FMN2: variants seen among roughly 807,000 people sequenced by gnomAD.
FMN2 encodes formin-2.
FMN2 carries 51 observed loss-of-function variants against 142.3 expected under a neutral mutation model. The ratio of observed to expected loss-of-function variants is 0.36; its 90% CI spans 0.29 to 0.45. FMN2 has a LOEUF of 0.45. Ranked by LOEUF, FMN2 falls within the 20% of genes least tolerant of loss-of-function variation. The pLI is 1.00. For missense variants in FMN2, 1,936 were observed against 2,122.8 expected (o/e 0.91, Z 1.73); for synonymous variants, 882 against 869.8 (o/e 1.01, Z -0.25).
At chr1:240,156,048 A>G (rs1372515325) in intron 2 of FMN2, among the ~76,000 whole-genome samples, 1 of 152,002 alleles carries the variant, frequency 6.6e-6, no homozygotes, top group African/African-American at 2.4e-5. Flanking sequence ...AAACCACCTG[A>G]GGCAACATAG....
intron 14 of FMN2, among the ~76,000 whole-genome samples, chr1:240,378,773 A>G (rs1228976257): frequency 6.6e-6 from 1 of 151,630 alleles, no homozygotes; most frequent in Non-Finnish European, 1.5e-5. Context: ...TTTATTTCGG[A>G]TACTGTATTT....
At chr1:240,133,660 T>C (rs1307162012) in intron 2 of FMN2, among the ~76,000 whole-genome samples, 1 of 152,198 alleles carries the variant, frequency 6.6e-6, no homozygotes, top group Non-Finnish European at 1.5e-5. Flanking sequence ...TGTGGGGCTC[T>C]GTGGGCACCT....
intron 2 of FMN2, among the ~76,000 whole-genome samples, chr1:240,150,243 G>A: frequency 6.6e-6 from 1 of 152,174 alleles, no homozygotes; most frequent in South Asian, 2.1e-4. Flanking sequence ...GATCATGGAT[G>A]CTTATAGATA....
At chr1:240,460,787 G>A (rs1676424386) in intron 16 of FMN2, among the ~76,000 whole-genome samples, 2 of 151,954 alleles carry the variant, frequency 1.3e-5, no homozygotes, top group African/African-American at 4.8e-5. Context: ...GTTTTTGTTT[G>A]TTTAATTTTC....
intron 2 of FMN2, among the ~76,000 whole-genome samples, chr1:240,155,588 T>C (rs1251923146): frequency 6.6e-6 from 1 of 152,200 alleles, no homozygotes; most frequent in Non-Finnish European, 1.5e-5. Context: ...ATCAAAATGT[T>C]TTTAAACTAG....
intron 8 of FMN2, among the ~76,000 whole-genome samples, chr1:240,299,789 T>C (rs1323900544): frequency 1.3e-5 from 2 of 152,074 alleles, no homozygotes; most frequent in African/African-American, 4.8e-5. Context: ...TACTAGATAA[T>C]GCATACTGCG....
At chr1:240,314,876 G>T (rs1371744639) in intron 8 of FMN2, among the ~76,000 whole-genome samples, 1 of 152,162 alleles carries the variant, frequency 6.6e-6, no homozygotes, top group Non-Finnish European at 1.5e-5. Flanking sequence ...TGCCTCGTTT[G>T]TCTCTTTGAG....
intron 2 of FMN2, among the ~76,000 whole-genome samples, chr1:240,124,668 GAT>G (rs1448206280): frequency 6.6e-6 from 1 of 151,782 alleles, no homozygotes; most frequent in African/African-American, 2.4e-5. Flanking sequence ...TGAGGATAAT[GAT>G]TTTTCTTTTT....
At chr1:240,362,327 C>T (rs1672514637) in intron 14 of FMN2, among the ~76,000 whole-genome samples, 1 of 152,096 alleles carries the variant, frequency 6.6e-6, no homozygotes, top group Admixed American at 6.6e-5. Flanking sequence ...TGTTTTTGTG[C>T]ATGTGAGATG....
chr1:240,387,495 C>T (rs1673446335), intron 14 of FMN2, among the ~76,000 whole-genome samples: 1 of 152,172 alleles, frequency 6.6e-6, no homozygotes, highest in Non-Finnish European at 1.5e-5. Flanking sequence ...GACTAAGGAG[C>T]TATTAGCCTC....
chr1:240,138,824 C>T (rs746326775), intron 2 of FMN2, among the ~76,000 whole-genome samples: 1 of 152,196 alleles, frequency 6.6e-6, no homozygotes, highest in Non-Finnish European at 1.5e-5. Context: ...TTTAACAAAT[C>T]ATACATCTTA....
chr1:240,246,240 C>T (rs916439295), intron 6 of FMN2, among the ~76,000 whole-genome samples: 1 of 152,150 alleles, frequency 6.6e-6, no homozygotes, highest in Non-Finnish European at 1.5e-5. Context: ...TTGAAGGCTG[C>T]GCTTTTATCG....
At chr1:240,436,546 A>G (rs73130209) in intron 15 of FMN2, among the ~76,000 whole-genome samples, 16,072 of 151,936 alleles carry the variant, frequency 0.11, 2,019 homozygotes, top group African/African-American at 0.31. Context: ...GCATGGTGGC[A>G]GGCACCTGTA....
intron 4 of FMN2, among the ~76,000 whole-genome samples, chr1:240,198,480 C>G (rs1212904171): frequency 2.0e-5 from 3 of 152,162 alleles, no homozygotes; most frequent in South Asian, 4.1e-4. Flanking sequence ...CATGTCCATT[C>G]CAGTTCAGAA....
At chr1:240,454,461 G>C (rs987858464) in intron 16 of FMN2, among the ~76,000 whole-genome samples, 1 of 152,166 alleles carries the variant, frequency 6.6e-6, no homozygotes, top group Non-Finnish European at 1.5e-5. Flanking sequence ...AGGCTCACTT[G>C]AACCCAGGAG....
At chr1:240,394,068 G>GTTA (rs1673695843) in intron 15 of FMN2, among the ~76,000 whole-genome samples, 1 of 152,148 alleles carries the variant, frequency 6.6e-6, no homozygotes, top group Non-Finnish European at 1.5e-5. Context: ...AATTAGGGAG[G>GTTA]GGTAAGGAAG....
chr1:240,254,476 G>T (rs1668384678), intron 6 of FMN2, among the ~76,000 whole-genome samples: 1 of 152,080 alleles, frequency 6.6e-6, no homozygotes, highest in Admixed American at 6.5e-5. Context: ...ATGGTTAAAT[G>T]GTCCTGTTCT....
chr1:240,337,277 C>T (rs986313152), intron 13 of FMN2, among the ~76,000 whole-genome samples: 5 of 143,908 alleles, frequency 3.5e-5, no homozygotes, highest in Non-Finnish European at 1.5e-5. Context: ...GGCACAATCT[C>T]GGCTCACTGC....
chr1:240,113,557 C>CAA (rs34741987), intron 1 of FMN2, among the ~76,000 whole-genome samples: 7,598 of 87,322 alleles, frequency 0.087, 884 homozygotes, highest in African/African-American at 0.23. Flanking sequence ...GACTCCGTCT[C>CAA]AAAAAAAAAA....
Sources: allele counts gnomAD v4.1 joint callset (sites outside exome capture counted in the v4.1 genomes callset), GRCh38; gene constraint gnomAD v4.1.1; transcripts MANE v1.5; gene names NCBI Gene and HGNC (gene_info 2026-07-23, HGNC 2026-07-21).